ADCY3: variants seen among roughly 807,000 people sequenced by gnomAD.
The protein encoded by ADCY3 is adenylate cyclase 3, also known as adenylate cyclase type 3.
In ADCY3, 70 loss-of-function variants were observed where a neutral mutation model predicts 119.4. The ratio of observed to expected loss-of-function variants is 0.59; its 90% confidence interval spans 0.48 to 0.72. ADCY3 has a LOEUF of 0.72. ADCY3 is among the 30% of genes least tolerant of loss of function. The pLI is 0.00. For missense variants in ADCY3, 1,238 were observed against 1,541.6 expected, an observed-to-expected ratio of 0.80 and a Z score of 3.30; for synonymous variants, 672 against 621.4, an observed-to-expected ratio of 1.08 and a Z score of -1.21.
intron 3 of ADCY3, among the ~76,000 whole-genome samples, chr2:24,848,847 G>A (rs541817956): frequency 1.3e-5 from 2 of 152,260 alleles, no homozygotes; most frequent in Non-Finnish European, 2.9e-5. Context: ...GATGTGCCAG[G>A]GTCAGCACAA....
rs558137554 is a variant in ADCY3, at chr2:24,894,898, C to G, written c.676-22179G>C. Among the ~76,000 whole-genome samples the G allele has an allele frequency of 5.9e-5, 9 of 151,990 alleles. No individual in the cohort carries two copies. The South Asian group carries it at 6.2e-4, about 10-fold the overall frequency. On this transcript the variant is annotated intron_variant, in intron 2 of 21. Coordinates refer to ENST00000679454, the MANE Select transcript of ADCY3 (RefSeq NM_004036.5). ...GTTGGGTATAGAATTCTAGATTGAC[C>G]TACTTTCTTTTTCAGTTCTACTGTC...
Position 24,919,327 on chromosome 2 carries a change from A to C in ADCY3, c.-197-143T>G, listed in dbSNP as rs1573088649. The C allele has an allele frequency of 7.4e-6, 2 of 270,902 alleles. No homozygotes were observed. Among genetic ancestry groups the C allele is most frequent in the South Asian group, 5.1e-5 (1 of 19,558 alleles). 16.8% of individuals were successfully genotyped at this position (270,902 alleles called of 1,614,324 possible). A position where few individuals can be genotyped will look rare whatever the true frequency, so the allele number is the denominator to read the frequency against. On this transcript the variant is annotated intron_variant, in intron 1 of 21. Transcript: ENST00000679454. The surrounding 1 kb of genome is among the most constrained non-coding windows in gnomAD (Gnocchi z 5.5). ...TTCCCTGCCACCCCCGGCTCACACC[A>C]CCGCCCACCGCAGGCACACTTAGTC...
At chr2:24,877,141 C>A (rs1330639890) in intron 2 of ADCY3, among the ~76,000 whole-genome samples, 1 of 152,254 alleles carries the variant, frequency 6.6e-6, no homozygotes, top group Non-Finnish European at 1.5e-5. Flanking sequence ...CATGGCCCTG[C>A]CACTGTGTGC....
intron 3 of ADCY3, among the ~76,000 whole-genome samples, chr2:24,866,586 GA>G (rs1259600898): frequency 1.8e-4 from 15 of 82,658 alleles, no homozygotes; most frequent in South Asian, 8.0e-4. Context: ...AAAAAAAAAA[GA>G]AAAAAAAAAA....
intron 3 of ADCY3, among the ~76,000 whole-genome samples, chr2:24,854,527 T>G (rs1053215720): frequency 5.3e-5 from 8 of 152,230 alleles, no homozygotes; most frequent in African/African-American, 1.9e-4. Context: ...ACAGAGGATG[T>G]ATTTAGAAAT....
rs1678610352 is a variant in ADCY3 at position 24,899,016 on chromosome 2, C to T, written c.675+19297G>A. On this transcript the variant is annotated intron_variant, in intron 2 of 21. Coordinates refer to ENST00000679454, the MANE Select transcript of ADCY3 (RefSeq NM_004036.5). The surrounding 1 kb of genome is among the most constrained non-coding windows in gnomAD (Gnocchi z 4.5). ...ATAGCCTCCAAACACTCCACTGTCC[C>T]CTCATGCCCCTTGTCACCCTGAATC... Among the ~76,000 whole-genome samples the T allele has an allele frequency of 6.6e-6, 1 of 152,170 alleles. No homozygotes were observed. The highest frequency in any genetic ancestry group is 1.5e-5 in the Non-Finnish European group (1 of 68,032).
chr2:24,850,003 C>A (rs1288811373), intron 3 of ADCY3, among the ~76,000 whole-genome samples: 1 of 152,082 alleles, frequency 6.6e-6, no homozygotes, highest in Non-Finnish European at 1.5e-5. Context: ...CCTTGTGGCC[C>A]CTTAGGGTAG....
At chr2:24,840,145 G>A in intron 6 of ADCY3, 114 bp from the exon 7 acceptor site, 2 of 1,364,116 alleles carry the variant, frequency 1.5e-6, no homozygotes, top group Non-Finnish European at 2.0e-6. Context: ...ACAAGAGGGG[G>A]CCTGGCAAGG....
chr2:24,911,214 GTTCTT>G (rs1223232162), intron 2 of ADCY3, among the ~76,000 whole-genome samples: 1 of 139,064 alleles, frequency 7.2e-6, no homozygotes, highest in African/African-American at 2.8e-5. Context: ...AGATATAAGG[GTTCTT>G]TTTTTTTTTT....
chr2:24,823,508 T>TTTAAGAG, intron 17 of ADCY3, 153 bp from the exon 18 acceptor site: 3 of 836,480 alleles, frequency 3.6e-6, no homozygotes, highest in Non-Finnish European at 3.5e-6. Context: ...TTTTTTTTTT[T>TTTAAGAG]TAAGAGTGGG....
At chr2:24,848,061 G>T (rs977144949) in intron 3 of ADCY3, among the ~76,000 whole-genome samples, 5 of 152,248 alleles carry the variant, frequency 3.3e-5, no homozygotes, top group African/African-American at 9.6e-5. Flanking sequence ...GCTATAAGGT[G>T]TTGGGAACAA....
Position 24,822,210 on chromosome 2 carries a change from C to A in ADCY3, c.3003+301G>T, listed in dbSNP as rs537951258. On this transcript the variant is annotated intron_variant, in intron 19 of 21. Coordinates refer to ENST00000679454, the MANE Select transcript of ADCY3 (RefSeq NM_004036.5). Reference sequence around the variant, plus strand: ...TTCTGAAGGCCATGCTTTCAGTTTCCCTTGTTGACAATTGCTCTCCAGTTC... The same window carrying A: ...TTCTGAAGGCCATGCTTTCAGTTTCACTTGTTGACAATTGCTCTCCAGTTC... 14 of 251,178 alleles carry A rather than the reference C, an allele frequency of 5.6e-5. No homozygotes were observed. The South Asian group carries it at 1.5e-3, about 26-fold the overall frequency. 15.6% of individuals were successfully genotyped at this position (251,178 alleles called of 1,614,324 possible).
chr2:24,864,674 A>C (rs1474112767), intron 3 of ADCY3, among the ~76,000 whole-genome samples: 1 of 152,240 alleles, frequency 6.6e-6, no homozygotes, highest in East Asian at 1.9e-4. Context: ...GCAAATTCAG[A>C]GACACAGTAG....
chr2:24,830,916 C>T (rs913417550), intron 12 of ADCY3, 91 bp from the exon 13 acceptor site: 13 of 1,015,500 alleles, frequency 1.3e-5, no homozygotes, highest in Non-Finnish European at 1.7e-5. Context: ...GTCCCGTATT[C>T]CAGTCCCAGG....
At chr2:24,901,284 A>G (rs1171514182) in intron 2 of ADCY3, among the ~76,000 whole-genome samples, 2 of 152,196 alleles carry the variant, frequency 1.3e-5, no homozygotes, top group African/African-American at 4.8e-5. Context: ...TTCTGCTCCA[A>G]CTTTCGGAGT....
chr2:24,906,596 C>G (rs1218206334), intron 2 of ADCY3, among the ~76,000 whole-genome samples: 1 of 152,210 alleles, frequency 6.6e-6, no homozygotes, highest in Non-Finnish European at 1.5e-5. Flanking sequence ...GCAGTGGGGT[C>G]GGCCCCCAGC....
chr2:24,822,300 G>T, intron 19 of ADCY3: 1 of 617,504 alleles, frequency 1.6e-6, no homozygotes, highest in Non-Finnish European at 2.7e-6. Flanking sequence ...CCTGAGCTGT[G>T]AACAGCAGGG....
chr2:24,864,243 C>T (rs760687604), intron 3 of ADCY3, among the ~76,000 whole-genome samples: 13 of 152,194 alleles, frequency 8.5e-5, no homozygotes, highest in South Asian at 2.1e-4. Context: ...GAGCTGAGAT[C>T]GCACCACTGC....
intron 2 of ADCY3, among the ~76,000 whole-genome samples, chr2:24,916,454 C>T (rs993396920): frequency 3.9e-5 from 6 of 152,304 alleles, no homozygotes; most frequent in African/African-American, 2.4e-5. Context: ...GAGGCCGAGG[C>T]GGGCGGATTA....
Sources: gnomAD v4.1 joint callset for allele counts (sites outside exome capture counted in the v4.1 genomes callset) on GRCh38, gnomAD v4.1.1 for gene constraint, Gnocchi (gnomAD v3.1) non-coding constraint, MANE v1.5 for transcripts, NCBI Gene and HGNC (gene_info 2026-07-23, HGNC 2026-07-21) for gene names.